Variants in GAD1 observed in about 807,000 individuals in gnomAD.
The protein encoded by GAD1 is 67 kDa glutamic acid decarboxylase.
A neutral mutation model predicts 75.2 loss-of-function variants in GAD1; 35 were observed. The ratio of observed to expected loss-of-function variants is 0.47; its 90% CI spans 0.36 to 0.62. The LOEUF (loss-of-function observed/expected upper bound fraction) is 0.62. Among genes scored for constraint, GAD1 ranks in the 20% least tolerant of loss-of-function variants. The probability of loss-of-function intolerance (pLI) is 0.00; values close to 1 mark genes in which losing one functional copy is unlikely to be tolerated. For synonymous variants in GAD1, 257 were observed against 271.9 expected (o/e 0.95, Z 0.54); for missense variants, 490 against 758.5 (o/e 0.65, Z 4.16).
At chr2:170,851,162 A>G (rs796127987) in intron 12 of GAD1, among the ~76,000 whole-genome samples, 42 of 152,356 alleles carry the variant, frequency 2.8e-4, no homozygotes, top group African/African-American at 1.0e-3. Context: ...TTTAAATCAC[A>G]TAAGTCTTCT....
chr2:170,829,312 T>C lies in GAD1; in HGVS notation c.146-163T>C, dbSNP rs550085299. 6.5e-6 allele frequency: 5 copies of C among 764,470 alleles called. No individual in the cohort carries two copies. The African/African-American group carries it at 8.6e-5, about 13-fold the overall frequency. 47.4% of individuals were successfully genotyped at this position (764,470 alleles called of 1,614,324 possible). On this transcript the variant is annotated intron_variant, in intron 3 of 16. Transcript: ENST00000358196. ...ATTTGGCACTGCCCCCCTCCCTGCC[T>C]GAAGGCGAGCAGTGCCAGAGCCACT... is the stretch of plus-strand genomic sequence containing the variant.
intron 2 of GAD1, chr2:170,821,851 C>T: frequency 1.8e-6 from 1 of 555,162 alleles, no homozygotes; most frequent in South Asian, 2.1e-5. Context: ...GGTGCCCCGC[C>T]TCTCAGAGAC....
chr2:170,828,522 TTG>T, intron 3 of GAD1, among the ~76,000 whole-genome samples: 1 of 133,468 alleles, frequency 7.5e-6, no homozygotes, highest in African/African-American at 2.9e-5. Flanking sequence ...TCTGCTGTCC[TTG>T]CTCTCCTCCC....
intron 5 of GAD1, among the ~76,000 whole-genome samples, chr2:170,832,187 GCTCAAAACAATAGAAATTTGTT>G (rs1294394837): frequency 6.6e-6 from 1 of 152,098 alleles, no homozygotes; most frequent in African/African-American, 2.4e-5. Flanking sequence ...AAATTGGATG[GCTCAAAACAATAGAAATTTGTT>G]CTCTCACAAT....
chr2:170,855,318 C>T (rs1702828019), intron 14 of GAD1, among the ~76,000 whole-genome samples: 1 of 151,184 alleles, frequency 6.6e-6, no homozygotes, highest in Admixed American at 6.6e-5. Flanking sequence ...AAGCAGTTCT[C>T]CTGCCTCAGC....
intron 3 of GAD1, among the ~76,000 whole-genome samples, chr2:170,825,687 G>A (rs2105764929): frequency 6.6e-6 from 1 of 152,318 alleles, no homozygotes; most frequent in Non-Finnish European, 1.5e-5. Flanking sequence ...CCTGCAGCAG[G>A]AGCTCCCCTC....
intron 15 of GAD1, 58 bp from the exon 16 acceptor site, chr2:170,858,746 A>C (rs1489578318): frequency 1.3e-6 from 2 of 1,526,158 alleles, no homozygotes; most frequent in Non-Finnish European, 1.8e-6. Context: ...TTGGTTTGGG[A>C]ACAGCTTTCT....
At position 170,852,803 on chromosome 2, in the gene GAD1, C is replaced by T. The variant is rs1231630904; in HGVS notation, c.1263+11C>T. The T allele has an allele frequency of 6.2e-7, 1 of 1,612,236 alleles. No individual in the cohort carries two copies. The highest frequency in any genetic ancestry group is 1.1e-5 in the South Asian group (1 of 91,048). ...CTCGTCAAGGAAAAGGTCTGTACTC[C>T]CTCCAAAGCTACACTGGGGCCCGTA... On this transcript the variant is annotated intron_variant, in intron 13 of 16. Transcript: ENST00000358196.
chr2:170,857,433 G>T (rs1326485477), intron 15 of GAD1, among the ~76,000 whole-genome samples: 1 of 151,928 alleles, frequency 6.6e-6, no homozygotes, highest in African/African-American at 2.4e-5. Flanking sequence ...GGTTTGTTTT[G>T]TGTTGAACCT....
chr2:170,829,246 GT>G, intron 3 of GAD1: 1 of 575,262 alleles, frequency 1.7e-6, no homozygotes, highest in Non-Finnish European at 3.1e-6. Context: ...TTCACTTACT[GT>G]TTTTCTCTCT....
At chr2:170,836,749 G>A (rs1457439951) in intron 5 of GAD1, 44 bp from the exon 6 acceptor site, 1 of 1,445,104 alleles carries the variant, frequency 6.9e-7, no homozygotes, top group Non-Finnish European at 9.7e-7. Context: ...AAGATAGGTT[G>A]AGAAATCTGC....
intron 5 of GAD1, among the ~76,000 whole-genome samples, chr2:170,836,588 A>G (rs755088504): frequency 3.3e-5 from 5 of 152,224 alleles, no homozygotes; most frequent in Admixed American, 2.0e-4. Context: ...TTAGAAACAT[A>G]GAAGTTTGAG....
chr2:170,850,843 C>T (rs1231490812), intron 12 of GAD1, among the ~76,000 whole-genome samples: 1 of 152,026 alleles, frequency 6.6e-6, no homozygotes, highest in Non-Finnish European at 1.5e-5. Context: ...GTGAAACCCC[C>T]GTCTCTACTA....
At chr2:170,849,229 T>C in intron 11 of GAD1, 57 bp from the exon 12 acceptor site, 1 of 1,484,384 alleles carries the variant, frequency 6.7e-7, no homozygotes, top group South Asian at 1.1e-5. Context: ...GACTGACTAG[T>C]TTTAGATTCT....
At chr2:170,843,755 A>G (rs1369214346) in intron 6 of GAD1, 1 of 360,880 alleles carries the variant, frequency 2.8e-6, no homozygotes, top group Admixed American at 4.4e-5. Context: ...CTTTCCTTCT[A>G]TTCCTCTGGG....
intron 4 of GAD1, among the ~76,000 whole-genome samples, chr2:170,830,057 C>T (rs1702181403): frequency 6.6e-6 from 1 of 152,160 alleles, no homozygotes; most frequent in Non-Finnish European, 1.5e-5. Flanking sequence ...AACTTGTTTT[C>T]CTTTCAGAGA....
chr2:170,853,130 CAA>C lies in GAD1; in HGVS notation c.1263+341_1263+342del, dbSNP rs1702779681. The stretch of plus-strand genomic sequence containing the variant: ...CAATCAGTTTTGTCCTCAGTGAGGA[CAA>C]AAGCACTCACTGGAGCATACTCGGA... On this transcript the variant is annotated intron_variant, in intron 13 of 16. Coordinates refer to ENST00000358196, the MANE Select transcript of GAD1 (RefSeq NM_000817.3). The surrounding 1 kb of genome is among the most constrained non-coding windows in gnomAD (Gnocchi z 4.1). 2.6e-6 allele frequency: 1 copy of C among 386,418 alleles called. No homozygotes were observed. The highest frequency in any genetic ancestry group is 2.5e-5 in the South Asian group (1 of 39,244). 23.9% of individuals were successfully genotyped at this position (386,418 alleles called of 1,614,324 possible).
chr2:170,844,009 T>C, intron 6 of GAD1, 36 bp from the exon 7 acceptor site: 1 of 1,176,036 alleles, frequency 8.5e-7, no homozygotes, highest in East Asian at 2.3e-5. Context: ...TTGACTTCTT[T>C]ATTTTCTTTC....
chr2:170,829,204 G>C, intron 3 of GAD1: 1 of 492,944 alleles, frequency 2.0e-6, no homozygotes, highest in East Asian at 3.9e-5. Context: ...TTAATTGTGA[G>C]TTCACTGTCA....
Sources: gnomAD v4.1 joint callset for allele counts (sites outside exome capture counted in the v4.1 genomes callset) on GRCh38, gnomAD v4.1.1 for gene constraint, Gnocchi (gnomAD v3.1) non-coding constraint, MANE v1.5 for transcripts, NCBI Gene and HGNC (gene_info 2026-07-23, HGNC 2026-07-21) for gene names.